Variants in RPTOR observed in about 807,000 individuals in gnomAD.
RPTOR encodes the protein regulatory associated protein of MTOR complex 1.
RPTOR carries 21 observed loss-of-function variants against 169.9 expected under a neutral mutation model. That is an observed-to-expected ratio of 0.12 (90% confidence interval 0.09 to 0.18). The LOEUF is 0.18. RPTOR is among the 10% of genes least tolerant of loss of function. The pLI, the probability that RPTOR is intolerant of heterozygous loss-of-function variation, is 1.00. For synonymous variants in RPTOR, 732 were observed against 753.2 expected, an observed-to-expected ratio of 0.97 and a Z score of 0.46; for missense variants, 1,133 against 1,855.9, an observed-to-expected ratio of 0.61 and a Z score of 7.16.
At chr17:80,836,333 C>G (rs1054529192) in intron 9 of RPTOR, among the ~76,000 whole-genome samples, 2 of 152,270 alleles carry the variant, frequency 1.3e-5, no homozygotes, top group African/African-American at 4.8e-5. Context: ...CGCCCTCACT[C>G]TCATTTAGCC....
chr17:80,590,141 A>G (rs1003253072), intron 1 of RPTOR, among the ~76,000 whole-genome samples: 6 of 152,288 alleles, frequency 3.9e-5, no homozygotes, highest in Non-Finnish European at 8.8e-5. Flanking sequence ...AGATGATCAT[A>G]TGCTTTTTCT....
At chr17:80,555,887 C>T (rs528834164) in intron 1 of RPTOR, among the ~76,000 whole-genome samples, 61 of 151,834 alleles carry the variant, frequency 4.0e-4, no homozygotes, top group African/African-American at 1.3e-3. Context: ...TGGAGAGGGG[C>T]GAGACTGGAG....
At position 80,892,716 on chromosome 17, in the gene RPTOR, CCTT is replaced by C. The variant is rs1181484249; in HGVS notation, c.2102-9_2102-7del. On this transcript the variant is annotated splice_polypyrimidine_tract_variant and intron_variant, in intron 18 of 33. Transcript: ENST00000306801. ...GAAGCCCATTGTAATTTGTCTTTCT[CCTT>C]CTTTCCCAGAGGGAGGGAGTTTGAC... 19 of 1,611,812 alleles carry C rather than the reference CCTT, an allele frequency of 1.2e-5. No homozygotes were observed. Among genetic ancestry groups the C allele is most frequent in the Non-Finnish European group, 1.6e-5 (19 of 1,178,936 alleles).
chr17:80,737,809 G>GGCCCC (rs2066446177), intron 5 of RPTOR, among the ~76,000 whole-genome samples: 1 of 133,012 alleles, frequency 7.5e-6, no homozygotes, highest in African/African-American at 3.2e-5. Flanking sequence ...TTTCTCCCCC[G>GGCCCC]CCCCCCCGCC....
At chr17:80,637,496 C>T (rs1319299146) in intron 2 of RPTOR, among the ~76,000 whole-genome samples, 1 of 152,216 alleles carries the variant, frequency 6.6e-6, no homozygotes, top group African/African-American at 2.4e-5. Context: ...ATAGAAGTGA[C>T]ACTTGTCCCT....
rs191533879 is a variant in RPTOR, at chr17:80,820,813, C to T, written c.891-1388C>T. On this transcript the variant is annotated intron_variant, in intron 7 of 33. Coordinates refer to ENST00000306801, the MANE Select transcript of RPTOR (RefSeq NM_020761.3). This position sits in a 1 kb window ranked among gnomAD's most constrained non-coding sequence, Gnocchi z 4.1. The stretch of plus-strand genomic sequence containing the variant: ...AAATGGTGGGAATCCTTCATGATGC[C>T]TGCCCTCCACCACCCACACAGCTAA... 9.8e-5 allele frequency among the ~76,000 whole-genome samples: 15 copies of T among 152,294 alleles called. No homozygotes were observed. The highest frequency in any genetic ancestry group is 1.6e-4 in the Non-Finnish European group (11 of 68,026).
At chr17:80,768,466 A>G (rs957679768) in intron 6 of RPTOR, among the ~76,000 whole-genome samples, 9 of 152,346 alleles carry the variant, frequency 5.9e-5, no homozygotes, top group African/African-American at 2.2e-4. Flanking sequence ...TGTGCAGTTC[A>G]GCCCACAGTT....
intron 6 of RPTOR, chr17:80,774,310 G>A (rs2066872800): frequency 1.0e-6 from 1 of 985,290 alleles, no homozygotes; most frequent in African/African-American, 1.7e-5. Context: ...CTTTGGAAGT[G>A]GAAGCCGCAA....
chr17:80,787,389 T>C (rs967913709), intron 6 of RPTOR, among the ~76,000 whole-genome samples: 3 of 152,250 alleles, frequency 2.0e-5, no homozygotes, highest in Admixed American at 2.0e-4. Context: ...TAATGGACAC[T>C]TGAGCTTTTT....
intron 31 of RPTOR, among the ~76,000 whole-genome samples, chr17:80,962,065 C>G (rs968055578): frequency 6.6e-6 from 1 of 152,208 alleles, no homozygotes; most frequent in Non-Finnish European, 1.5e-5. Flanking sequence ...CCATCCCTCT[C>G]TCGGGCCACA....
intron 3 of RPTOR, among the ~76,000 whole-genome samples, chr17:80,669,406 C>T (rs6565473): frequency 0.48 from 73,562 of 152,010 alleles, 18,079 homozygotes; most frequent in East Asian, 0.6. Context: ...TTTTTTGAGA[C>T]GGAGTTTCAC....
chr17:80,718,608 G>A (rs2143146772), intron 4 of RPTOR, among the ~76,000 whole-genome samples: 1 of 152,308 alleles, frequency 6.6e-6, no homozygotes, highest in South Asian at 2.1e-4. Context: ...CTCGGGCTGA[G>A]TCTTACAGAA....
intron 13 of RPTOR, among the ~76,000 whole-genome samples, chr17:80,858,344 C>G (rs1482943028): frequency 2.0e-5 from 3 of 152,264 alleles, no homozygotes; most frequent in Non-Finnish European, 4.4e-5. Flanking sequence ...CCTCCTCAAC[C>G]CTGCACAGGT....
chr17:80,672,430 A>AT (rs2065829029), intron 3 of RPTOR, among the ~76,000 whole-genome samples: 1 of 148,046 alleles, frequency 6.8e-6, no homozygotes, highest in African/African-American at 2.5e-5. Context: ...AGCTCCAGCC[A>AT]TTGCATATAT....
In RPTOR at chr17:80,790,209, A is replaced by G. The variant is rs181754182; in HGVS notation, c.831-1241A>G. Among the ~76,000 whole-genome samples, 404 of 152,342 alleles carry G rather than the reference A, an allele frequency of 2.7e-3. 2 individuals carry two copies. Among genetic ancestry groups the G allele is most frequent in the African/African-American group, 8.2e-3 (340 of 41,578 alleles). On this transcript the variant is annotated intron_variant, in intron 6 of 33. Transcript: ENST00000306801. ...ACACGGGGCACTTGATGCCGTGGGA[A>G]AGGGCTGCTCTGTAGCTTCAGGCAA...
At chr17:80,628,603 A>G (rs2065414111) in intron 2 of RPTOR, among the ~76,000 whole-genome samples, 1 of 150,752 alleles carries the variant, frequency 6.6e-6, no homozygotes, top group Non-Finnish European at 1.5e-5. Context: ...ATAACCTATT[A>G]GTTTTTTGTT....
At chr17:80,723,750 G>A (rs558686481) in intron 4 of RPTOR, among the ~76,000 whole-genome samples, 6 of 151,448 alleles carry the variant, frequency 4.0e-5, no homozygotes, top group Non-Finnish European at 7.4e-5. Context: ...GTAAACACAT[G>A]CATATTGATT....
Position 80,880,338 on chromosome 17 carries a change from G to A in RPTOR, c.1510-77G>A, listed in dbSNP as rs139668073. On this transcript the variant is annotated intron_variant, in intron 13 of 33. Transcript: ENST00000306801. ...GTATAAGAAGTCCCTGCCCTTATTC[G>A]TTCACGCACCATGAGAAGCTTGTGG... 5.3e-4 allele frequency: 653 copies of A among 1,238,866 alleles called. 1 individual carries two copies. In the African/African-American group the frequency reaches 8.5e-3, roughly 16 times the overall value. 76.7% of individuals were successfully genotyped at this position (1,238,866 alleles called of 1,614,324 possible).
At chr17:80,557,246 C>T (rs1400309522) in intron 1 of RPTOR, among the ~76,000 whole-genome samples, 2 of 152,182 alleles carry the variant, frequency 1.3e-5, no homozygotes, top group East Asian at 3.9e-4. Context: ...ACTCTATCCT[C>T]CTCTTATTCA....
Sources: allele counts gnomAD v4.1 joint callset (sites outside exome capture counted in the v4.1 genomes callset), GRCh38; gene constraint gnomAD v4.1.1; non-coding constraint Gnocchi (gnomAD v3.1); transcripts MANE v1.5; gene names NCBI Gene and HGNC (gene_info 2026-07-23, HGNC 2026-07-21).